Variants in DOCK3 observed in about 807,000 individuals in gnomAD.
The protein encoded by DOCK3 is dedicator of cytokinesis 3.
DOCK3 carries 60 observed loss-of-function variants against 265.6 expected under a neutral mutation model. That is an observed-to-expected ratio of 0.23 (90% CI 0.18 to 0.28). The LOEUF (loss-of-function observed/expected upper bound fraction) is 0.28. DOCK3 is among the 10% of genes least tolerant of loss of function. The probability of loss-of-function intolerance (pLI) is 1.00; values close to 1 mark genes in which losing one functional copy is unlikely to be tolerated. For missense variants in DOCK3, 1,981 were observed against 2,594.3 expected (o/e 0.76, Z 5.14); for synonymous variants, 881 against 938.0 (o/e 0.94, Z 1.11).
chr3:51,369,737 G>C (rs2087535569), intron 49 of DOCK3, among the ~76,000 whole-genome samples: 1 of 151,928 alleles, frequency 6.6e-6, no homozygotes, highest in South Asian at 2.1e-4. Context: ...AAGATGCAGT[G>C]ACCACCTGGG....
chr3:50,963,910 A>T (rs868514848), intron 5 of DOCK3, among the ~76,000 whole-genome samples: 55 of 152,184 alleles, frequency 3.6e-4, no homozygotes, highest in African/African-American at 1.1e-3. Context: ...AGACCTAGAG[A>T]TCTGTAGAAG....
chr3:50,814,956 C>G (rs1392957676), intron 2 of DOCK3, among the ~76,000 whole-genome samples: 2 of 152,060 alleles, frequency 1.3e-5, no homozygotes, highest in Non-Finnish European at 2.9e-5. Context: ...TCCCAAGTAG[C>G]TGGGACTACA....
intron 7 of DOCK3, among the ~76,000 whole-genome samples, chr3:51,086,189 G>A (rs199872662): frequency 6.8e-5 from 10 of 147,566 alleles, no homozygotes; most frequent in Admixed American, 1.4e-4. Context: ...CCAAAATAAA[G>A]GGATGGGTTT....
chr3:50,698,501 T>A (rs2035785693), intron 1 of DOCK3, among the ~76,000 whole-genome samples: 1 of 146,816 alleles, frequency 6.8e-6, no homozygotes, highest in Admixed American at 6.9e-5. Flanking sequence ...AGTTTCTCTG[T>A]GGATGTATGT....
intron 9 of DOCK3, among the ~76,000 whole-genome samples, chr3:51,144,008 C>T (rs545857478): frequency 2.0e-5 from 3 of 152,188 alleles, no homozygotes; most frequent in Non-Finnish European, 2.9e-5. Flanking sequence ...CTCTTGTATT[C>T]GAGCCTGTGA....
At chr3:51,281,576 C>T (rs180824050) in intron 27 of DOCK3, among the ~76,000 whole-genome samples, 2 of 152,012 alleles carry the variant, frequency 1.3e-5, no homozygotes, top group East Asian at 3.8e-4. Context: ...GATGTCAGGT[C>T]ACTTTTTTTT....
At chr3:51,114,672 A>G (rs1444658038) in intron 9 of DOCK3, among the ~76,000 whole-genome samples, 1 of 152,000 alleles carries the variant, frequency 6.6e-6, no homozygotes, top group Non-Finnish European at 1.5e-5. Context: ...TTGTTATTTT[A>G]CTTTAAGTTC....
At chr3:51,305,367 A>G (rs543074934) in intron 27 of DOCK3, among the ~76,000 whole-genome samples, 10 of 152,344 alleles carry the variant, frequency 6.6e-5, no homozygotes, top group African/African-American at 2.4e-4. Flanking sequence ...TGATGTTAAT[A>G]TAGCCATACC....
intron 7 of DOCK3, among the ~76,000 whole-genome samples, chr3:51,082,848 G>A (rs899380685): frequency 2.0e-5 from 3 of 152,156 alleles, no homozygotes; most frequent in African/African-American, 4.8e-5. Context: ...TAGGCCCACA[G>A]CTGTTGTCCC....
chr3:50,887,241 G>A (rs2048393093), intron 3 of DOCK3, among the ~76,000 whole-genome samples: 4 of 150,794 alleles, frequency 2.7e-5, no homozygotes, highest in African/African-American at 4.9e-5. Context: ...ACACCTCTAT[G>A]CAAATAAACT....
chr3:50,814,399 C>G (rs963151700), intron 2 of DOCK3, among the ~76,000 whole-genome samples: 1 of 150,888 alleles, frequency 6.6e-6, no homozygotes, highest in Admixed American at 6.7e-5. Context: ...CCTGAGTAGC[C>G]GGGACTACAG....
intron 5 of DOCK3, among the ~76,000 whole-genome samples, chr3:50,948,209 A>G (rs2076489310): frequency 6.6e-6 from 1 of 150,506 alleles, no homozygotes; most frequent in African/African-American, 2.4e-5. Flanking sequence ...GGCGACCACC[A>G]CTGCACCCGG....
intron 31 of DOCK3, among the ~76,000 whole-genome samples, chr3:51,314,439 G>A (rs1422245541): frequency 6.6e-6 from 1 of 152,226 alleles, no homozygotes; most frequent in Non-Finnish European, 1.5e-5. Context: ...TGCTAGCTCA[G>A]GAGGAGGACT....
chr3:50,832,732 C>T (rs2045259922), intron 2 of DOCK3, among the ~76,000 whole-genome samples: 1 of 152,030 alleles, frequency 6.6e-6, no homozygotes, highest in Admixed American at 6.6e-5. Context: ...ACTCTTAATC[C>T]TAAGGTTAGT....
At position 51,374,599 on chromosome 3, in the gene DOCK3, A is replaced by AC; in HGVS notation, c.5412+14dup. 3 of 1,600,636 alleles carry AC rather than the reference A, an allele frequency of 1.9e-6. No individual in the cohort carries two copies. The highest frequency in any genetic ancestry group is 1.7e-6 in the Non-Finnish European group (2 of 1,172,030). On this transcript the variant is annotated intron_variant, in intron 50 of 52. Coordinates refer to ENST00000266037, the MANE Select transcript of DOCK3 (RefSeq NM_004947.5). This position sits in a 1 kb window ranked among gnomAD's most constrained non-coding sequence, Gnocchi z 4.8. Reference sequence around the variant, plus strand: ...TGGAGAACGGACAGGTAATAGACCCACCACACTGACTGTCCTCTGCTGCAA... The same window carrying AC: ...TGGAGAACGGACAGGTAATAGACCCACCCACACTGACTGTCCTCTGCTGCAA...
chr3:51,347,326 G>A (rs1197925229), intron 38 of DOCK3, among the ~76,000 whole-genome samples: 1 of 152,182 alleles, frequency 6.6e-6, no homozygotes, highest in African/African-American at 2.4e-5. Context: ...CGAGGTGTAA[G>A]GAAGGGATCC....
intron 5 of DOCK3, among the ~76,000 whole-genome samples, chr3:50,997,451 A>T (rs2078325794): frequency 6.6e-6 from 1 of 152,190 alleles, no homozygotes; most frequent in African/African-American, 2.4e-5. Flanking sequence ...GTTATTGTGG[A>T]AATGATGTTG....
rs2088738759 is a variant in DOCK3 at position 51,382,789 on chromosome 3, T to C, written c.*1230T>C. The stretch of plus-strand genomic sequence containing the variant: ...AGGGTAGTTTCTCCAGTCTCCCCAG[T>C]CTGTTGGTGTCTTTATAGGAAACTA... On this transcript the variant is annotated 3_prime_UTR_variant, in exon 53 of 53. Coordinates refer to ENST00000266037, the MANE Select transcript of DOCK3 (RefSeq NM_004947.5). The C allele has an allele frequency of 6.6e-6, 1 of 152,424 alleles. No individual in the cohort carries two copies. The highest frequency in any genetic ancestry group is 2.4e-5 in the African/African-American group (1 of 41,420). The allele number at this position is 152,424 out of a possible 1,614,324, so 9.4% of individuals were successfully genotyped here.
intron 27 of DOCK3, among the ~76,000 whole-genome samples, chr3:51,305,382 C>G (rs1383159752): frequency 1.3e-5 from 2 of 152,128 alleles, no homozygotes; most frequent in African/African-American, 2.4e-5. Context: ...CATACCAGTT[C>G]TCGTTTGGGT....
Sources: allele counts gnomAD v4.1 joint callset (sites outside exome capture counted in the v4.1 genomes callset), GRCh38; gene constraint gnomAD v4.1.1; non-coding constraint Gnocchi (gnomAD v3.1); transcripts MANE v1.5; gene names NCBI Gene and HGNC (gene_info 2026-07-23, HGNC 2026-07-21).